PTPRR: variants seen among roughly 807,000 people sequenced by gnomAD.
The protein encoded by PTPRR is receptor-type tyrosine-protein phosphatase R.
Under a neutral mutation model 77.2 loss-of-function variants are expected in PTPRR, and 38 were observed. The observed-to-expected ratio is 0.49, with a 90% CI of 0.38 to 0.65. PTPRR has a LOEUF of 0.65. Among genes scored for constraint, PTPRR ranks in the 30% least tolerant of loss-of-function variants. The probability of loss-of-function intolerance (pLI) is 0.00; values close to 1 mark genes in which losing one functional copy is unlikely to be tolerated. For synonymous variants in PTPRR, 299 were observed against 283.1 expected (o/e 1.06, Z -0.57); for missense variants, 744 against 799.2 (o/e 0.93, Z 0.83).
chr12:70,891,965 T>TCCAGAGA (rs1893344995), intron 2 of PTPRR, among the ~76,000 whole-genome samples: 2 of 152,062 alleles, frequency 1.3e-5, no homozygotes, highest in Non-Finnish European at 2.9e-5. Context: ...TCTATAATGA[T>TCCAGAGA]GTTAAACCAG....
rs138808556 is a variant in PTPRR, at chr12:70,815,329, T to C, written c.358-50551A>G. ...AAAAGAATATGAACAAAGCCTCAGTTAGTTGTGGGACAAGCTTAAGTGGCC... is the reference window on the plus strand; with the variant it reads ...AAAAGAATATGAACAAAGCCTCAGTCAGTTGTGGGACAAGCTTAAGTGGCC... On this transcript the variant is annotated intron_variant, in intron 2 of 13. Coordinates refer to ENST00000283228, the MANE Select transcript of PTPRR (RefSeq NM_002849.4). Among the ~76,000 whole-genome samples, 8 of 152,186 alleles carry C rather than the reference T, an allele frequency of 5.3e-5. No individual in the cohort carries two copies. In the East Asian group the frequency reaches 1.5e-3, roughly 29 times the overall value.
intron 1 of PTPRR, among the ~76,000 whole-genome samples, chr12:70,903,566 C>T (rs1247653615): frequency 6.6e-6 from 1 of 151,742 alleles, no homozygotes; most frequent in East Asian, 1.9e-4. Context: ...AAACTTCACA[C>T]TTTATACAAA....
chr12:70,712,375 T>G (rs1367014527), intron 6 of PTPRR, among the ~76,000 whole-genome samples: 1 of 151,868 alleles, frequency 6.6e-6, no homozygotes, highest in Non-Finnish European at 1.5e-5. Flanking sequence ...TGCCAATAGT[T>G]AAAATAAACC....
intron 6 of PTPRR, among the ~76,000 whole-genome samples, chr12:70,724,098 T>G (rs1389137800): frequency 6.6e-6 from 1 of 152,164 alleles, no homozygotes; most frequent in African/African-American, 2.4e-5. Context: ...CCATTTTGGT[T>G]ATAAGAGGTT....
intron 6 of PTPRR, among the ~76,000 whole-genome samples, chr12:70,732,613 T>C (rs968613733): frequency 6.6e-6 from 1 of 152,106 alleles, no homozygotes; most frequent in African/African-American, 2.4e-5. Context: ...CAGGCTAGAG[T>C]GCAGTGGCAT....
intron 5 of PTPRR, among the ~76,000 whole-genome samples, chr12:70,753,818 T>C (rs1314141576): frequency 1.3e-5 from 2 of 152,172 alleles, no homozygotes; most frequent in Non-Finnish European, 2.9e-5. Flanking sequence ...TTTTAAATTT[T>C]TTCCTGAGTT....
intron 2 of PTPRR, among the ~76,000 whole-genome samples, chr12:70,767,255 G>A (rs1199924930): frequency 2.0e-5 from 3 of 151,914 alleles, no homozygotes; most frequent in African/African-American, 7.3e-5. Flanking sequence ...TCAGTGTGCT[G>A]TATTCAGGAA....
At chr12:70,886,584 T>G (rs1484340152) in intron 2 of PTPRR, among the ~76,000 whole-genome samples, 1 of 152,238 alleles carries the variant, frequency 6.6e-6, no homozygotes, top group Non-Finnish European at 1.5e-5. Context: ...ATTGACTAGC[T>G]ATTTTGCATT....
At chr12:70,683,557 G>A (rs1257691617) in intron 10 of PTPRR, among the ~76,000 whole-genome samples, 1 of 152,110 alleles carries the variant, frequency 6.6e-6, no homozygotes, top group African/African-American at 2.4e-5. Context: ...ATTATTAAAT[G>A]TAATCTGCAA....
chr12:70,790,468 T>C (rs536242101), intron 2 of PTPRR, among the ~76,000 whole-genome samples: 1 of 152,282 alleles, frequency 6.6e-6, no homozygotes, highest in African/African-American at 2.4e-5. Context: ...CCTTTGCTTA[T>C]TTGTCCTCAT....
rs1416237612 is a variant in PTPRR, at chr12:70,654,284, AG to A, written c.1880+2419del. On this transcript the variant is annotated intron_variant, in intron 13 of 13. Coordinates refer to ENST00000283228, the MANE Select transcript of PTPRR (RefSeq NM_002849.4). Reference sequence around the variant, plus strand: ...TATTTGTTGAAAAAAAAATCTCGAAAGGTAATTATATGGCCTGGCACGGTGG... The same window carrying A: ...TATTTGTTGAAAAAAAAATCTCGAAAGTAATTATATGGCCTGGCACGGTGG... 1.2e-4 allele frequency among the ~76,000 whole-genome samples: 18 copies of A among 152,278 alleles called. No homozygotes were observed. In the South Asian group the frequency reaches 3.7e-3, roughly 32 times the overall value.
At chr12:70,645,520 A>G (rs1189420596) in intron 13 of PTPRR, among the ~76,000 whole-genome samples, 1 of 152,156 alleles carries the variant, frequency 6.6e-6, no homozygotes, top group Non-Finnish European at 1.5e-5. Flanking sequence ...TCTCAGAAGT[A>G]CCTTGGTTTG....
intron 12 of PTPRR, among the ~76,000 whole-genome samples, chr12:70,658,588 G>A (rs1198835130): frequency 1.3e-5 from 2 of 152,238 alleles, no homozygotes; most frequent in East Asian, 3.9e-4. Context: ...ATGAGAAACA[G>A]CAAATATGAT....
intron 10 of PTPRR, among the ~76,000 whole-genome samples, chr12:70,683,328 A>G (rs1172222764): frequency 1.3e-5 from 2 of 152,234 alleles, no homozygotes; most frequent in African/African-American, 4.8e-5. Flanking sequence ...CTCGGATATC[A>G]GCCCTCAGGA....
intron 1 of PTPRR, among the ~76,000 whole-genome samples, chr12:70,916,836 A>C (rs1430057432): frequency 1.3e-5 from 2 of 152,222 alleles, no homozygotes; most frequent in Admixed American, 1.3e-4. Context: ...CAGGAGATAC[A>C]TTGAAGGCAG....
At chr12:70,644,102 ATTGT>A (rs1465993136) in intron 13 of PTPRR, among the ~76,000 whole-genome samples, 3 of 152,242 alleles carry the variant, frequency 2.0e-5, no homozygotes, top group South Asian at 2.1e-4. Flanking sequence ...AACCAAATAA[ATTGT>A]TTGTTTCTGT....
chr12:70,703,896 T>A (rs995232838), intron 6 of PTPRR, among the ~76,000 whole-genome samples: 5 of 152,172 alleles, frequency 3.3e-5, no homozygotes, highest in Non-Finnish European at 7.4e-5. Context: ...AGAAGTCATT[T>A]AAGTTGGGCT....
intron 2 of PTPRR, among the ~76,000 whole-genome samples, chr12:70,838,804 C>T (rs1015000738): frequency 6.6e-6 from 1 of 152,068 alleles, no homozygotes; most frequent in Admixed American, 6.6e-5. Flanking sequence ...GGAAGATACA[C>T]CTACAAAGGC....
intron 2 of PTPRR, among the ~76,000 whole-genome samples, chr12:70,833,411 A>AGTTTTG (rs1196209963): frequency 6.6e-6 from 1 of 152,086 alleles, no homozygotes. Context: ...GTGTTTGATT[A>AGTTTTG]GTTTTGTGCT....
Sources: allele counts gnomAD v4.1 joint callset (sites outside exome capture counted in the v4.1 genomes callset), GRCh38; gene constraint gnomAD v4.1.1; transcripts MANE v1.5; gene names NCBI Gene and HGNC (gene_info 2026-07-23, HGNC 2026-07-21).